Variants in CTNNBL1 observed in about 807,000 individuals in gnomAD.
CTNNBL1 encodes the protein catenin beta like 1.
In CTNNBL1, 31 loss-of-function variants were observed where a neutral mutation model predicts 72.7. The observed-to-expected ratio is 0.43, with a 90% CI of 0.32 to 0.58. CTNNBL1 has a LOEUF of 0.58. CTNNBL1 is among the 20% of genes least tolerant of loss of function. The pLI is 0.08. For synonymous variants in CTNNBL1, 240 were observed against 267.3 expected (o/e 0.90, Z 1.00); for missense variants, 534 against 725.1 (o/e 0.74, Z 3.03).
intron 1 of CTNNBL1, among the ~76,000 whole-genome samples, chr20:37,697,797 A>G (rs970703415): frequency 6.6e-6 from 1 of 152,200 alleles, no homozygotes; most frequent in Non-Finnish European, 1.5e-5. Flanking sequence ...TTAATATGTT[A>G]ATATAGGAAC....
At chr20:37,832,940 C>A (rs148461742) in intron 11 of CTNNBL1, among the ~76,000 whole-genome samples, 1 of 152,078 alleles carries the variant, frequency 6.6e-6, no homozygotes, top group Admixed American at 6.5e-5. Flanking sequence ...CTAGATCAAG[C>A]GTTCTTAACT....
At chr20:37,695,537 C>G (rs369387136) in intron 1 of CTNNBL1, among the ~76,000 whole-genome samples, 2 of 152,288 alleles carry the variant, frequency 1.3e-5, no homozygotes, top group Non-Finnish European at 2.9e-5. Context: ...AACTGCCCCT[C>G]TTGACATTTT....
At chr20:37,774,380 C>T (rs1600479636) in intron 7 of CTNNBL1, among the ~76,000 whole-genome samples, 2 of 152,178 alleles carry the variant, frequency 1.3e-5, no homozygotes, top group Admixed American at 6.5e-5. Flanking sequence ...TTTGAAGCCA[C>T]CTCCTCTTGC....
chr20:37,788,142 C>T (rs1228574517), intron 10 of CTNNBL1, among the ~76,000 whole-genome samples: 1 of 152,196 alleles, frequency 6.6e-6, no homozygotes, highest in Non-Finnish European at 1.5e-5. Context: ...CTCACATCCC[C>T]ACCCCTAAGT....
intron 1 of CTNNBL1, among the ~76,000 whole-genome samples, chr20:37,710,385 T>A (rs2072926969): frequency 6.6e-6 from 1 of 152,204 alleles, no homozygotes; most frequent in South Asian, 2.1e-4. Context: ...CTTTTAATGG[T>A]GTTTTGAAAA....
intron 1 of CTNNBL1, among the ~76,000 whole-genome samples, chr20:37,701,588 A>G (rs1345034798): frequency 6.6e-6 from 1 of 152,218 alleles, no homozygotes; most frequent in Non-Finnish European, 1.5e-5. Context: ...TCATTGAAGA[A>G]AAGGGAGATG....
At chr20:37,862,822 C>G (rs2072503270) in intron 15 of CTNNBL1, among the ~76,000 whole-genome samples, 1 of 152,152 alleles carries the variant, frequency 6.6e-6, no homozygotes, top group South Asian at 2.1e-4. Context: ...TCCATCCCAC[C>G]TCTTCTGTCT....
At chr20:37,744,794 T>C (rs1055204977) in intron 3 of CTNNBL1, 1 of 152,188 alleles carries the variant, frequency 6.6e-6, no homozygotes, top group African/African-American at 2.4e-5. Flanking sequence ...AAAATGAATA[T>C]AGAACTATAT....
At chr20:37,764,768 T>A (rs1338797913) in intron 5 of CTNNBL1, among the ~76,000 whole-genome samples, 3 of 152,190 alleles carry the variant, frequency 2.0e-5, no homozygotes, top group Non-Finnish European at 4.4e-5. Flanking sequence ...TAGTGAAACA[T>A]CTTTTGGTGC....
intron 10 of CTNNBL1, among the ~76,000 whole-genome samples, chr20:37,787,690 A>T (rs1406630034): frequency 6.6e-6 from 1 of 152,170 alleles, no homozygotes; most frequent in Non-Finnish European, 1.5e-5. Flanking sequence ...CTTTCAGTAG[A>T]TGAATTTAAC....
At chr20:37,848,667 T>C (rs1184045687) in intron 13 of CTNNBL1, among the ~76,000 whole-genome samples, 1 of 152,132 alleles carries the variant, frequency 6.6e-6, no homozygotes, top group East Asian at 1.9e-4. Flanking sequence ...TCCTTTTTAC[T>C]CTTGGAAGAG....
chr20:37,791,885 G>A (rs188071744), intron 10 of CTNNBL1, among the ~76,000 whole-genome samples: 200 of 152,292 alleles, frequency 1.3e-3, no homozygotes, highest in African/African-American at 4.5e-3. Flanking sequence ...GTGCCAAAAC[G>A]GTTGGGGAAC....
chr20:37,733,526 G>A (rs532092904), intron 2 of CTNNBL1, among the ~76,000 whole-genome samples: 4 of 152,218 alleles, frequency 2.6e-5, no homozygotes, highest in South Asian at 4.2e-4. Context: ...GAGATTCCTC[G>A]GGCCTTTCCC....
chr20:37,853,857 A>G (rs897529633), intron 13 of CTNNBL1, among the ~76,000 whole-genome samples: 7 of 152,240 alleles, frequency 4.6e-5, no homozygotes, highest in African/African-American at 1.7e-4. Context: ...ATTCCATGCC[A>G]CAGAGTTGTA....
At chr20:37,737,557 T>G in intron 3 of CTNNBL1, 73 bp downstream of exon 3, 8 of 1,049,494 alleles carry the variant, frequency 7.6e-6, no homozygotes, top group Admixed American at 2.3e-5. Context: ...TGATTTTGGT[T>G]TGTTTTGGCT....
intron 1 of CTNNBL1, among the ~76,000 whole-genome samples, chr20:37,720,626 C>T (rs1015523504): frequency 1.3e-5 from 2 of 152,174 alleles, no homozygotes; most frequent in African/African-American, 4.8e-5. Context: ...CTAAATAGTC[C>T]AGCCAGGAGG....
At chr20:37,832,332 GTGA>G (rs2072216308) in intron 11 of CTNNBL1, 1 of 152,238 alleles carries the variant, frequency 6.6e-6, no homozygotes, top group Non-Finnish European at 1.5e-5. Flanking sequence ...GAGTTACCTG[GTGA>G]TCTAGGACAG....
At chr20:37,705,755 C>G (rs997086149) in intron 1 of CTNNBL1, among the ~76,000 whole-genome samples, 1 of 152,138 alleles carries the variant, frequency 6.6e-6, no homozygotes, top group African/African-American at 2.4e-5. Flanking sequence ...CTTCCTTTGT[C>G]TTTTTTTCCC....
intron 10 of CTNNBL1, among the ~76,000 whole-genome samples, chr20:37,798,389 A>G (rs1239958589): frequency 6.6e-6 from 1 of 152,250 alleles, no homozygotes; most frequent in Non-Finnish European, 1.5e-5. Flanking sequence ...CCCCAGTTTT[A>G]TAGAGGCTAG....
Sources: allele counts gnomAD v4.1 joint callset (sites outside exome capture counted in the v4.1 genomes callset), GRCh38; gene constraint gnomAD v4.1.1; transcripts MANE v1.5; gene names NCBI Gene and HGNC (gene_info 2026-07-23, HGNC 2026-07-21).